Variants in KIAA0825 observed in about 807,000 individuals in gnomAD.
KIAA0825 encodes the protein uncharacterized protein KIAA0825.
In KIAA0825, 119 loss-of-function variants were observed where a neutral mutation model predicts 147.6. The observed-to-expected ratio is 0.81, with a 90% CI of 0.69 to 0.94. The LOEUF is 0.94. KIAA0825 is among the 40% of genes least tolerant of loss of function. The pLI is 0.00. For synonymous variants in KIAA0825, 470 were observed against 518.1 expected (o/e 0.91, Z 1.26); for missense variants, 1,381 against 1,472.7 (o/e 0.94, Z 1.02).
intron 3 of KIAA0825, among the ~76,000 whole-genome samples, chr5:94,534,085 C>T (rs1771482368): frequency 6.6e-6 from 1 of 152,158 alleles, no homozygotes; most frequent in East Asian, 1.9e-4. Flanking sequence ...AAATGAATTA[C>T]TAATGTTGTT....
chr5:94,505,338 G>A (rs1027813540), intron 5 of KIAA0825, among the ~76,000 whole-genome samples: 6 of 151,304 alleles, frequency 4.0e-5, no homozygotes, highest in Non-Finnish European at 7.4e-5. Flanking sequence ...TCCAGCCTGG[G>A]TGGCAGAGCG....
intron 14 of KIAA0825, among the ~76,000 whole-genome samples, chr5:94,429,729 G>T (rs905888269): frequency 6.6e-6 from 1 of 152,188 alleles, no homozygotes; most frequent in Admixed American, 6.5e-5. Context: ...CAGGTTCCCC[G>T]ATGTCAGGCA....
chr5:94,590,588 C>A (rs924044099), intron 1 of KIAA0825, among the ~76,000 whole-genome samples: 1 of 152,202 alleles, frequency 6.6e-6, no homozygotes, highest in East Asian at 1.9e-4. Context: ...ATCACCTATA[C>A]CCCATAGCTG....
chr5:94,516,144 A>T (rs1202830512), intron 5 of KIAA0825, among the ~76,000 whole-genome samples: 1 of 152,228 alleles, frequency 6.6e-6, no homozygotes, highest in Non-Finnish European at 1.5e-5. Flanking sequence ...TCACAAGCTT[A>T]TATGTAAATA....
intron 5 of KIAA0825, among the ~76,000 whole-genome samples, chr5:94,509,842 A>ATGT (rs1766233984): frequency 6.6e-6 from 1 of 152,170 alleles, no homozygotes; most frequent in Non-Finnish European, 1.5e-5. Flanking sequence ...CATAACTGGG[A>ATGT]ACTTCAGGGC....
At chr5:94,495,123 G>A (rs929361174) in intron 5 of KIAA0825, among the ~76,000 whole-genome samples, 2 of 152,118 alleles carry the variant, frequency 1.3e-5, no homozygotes, top group Non-Finnish European at 2.9e-5. Flanking sequence ...ATGAATGTAT[G>A]TTAAAATGAA....
intron 1 of KIAA0825, among the ~76,000 whole-genome samples, chr5:94,602,896 T>G (rs1786770353): frequency 1.3e-5 from 2 of 151,430 alleles, no homozygotes; most frequent in Admixed American, 6.6e-5. Context: ...TGGCATGATC[T>G]CAGCTCACTG....
Position 94,473,366 on chromosome 5 carries a change from G to C in KIAA0825, c.1381C>G (p.Leu461Val), listed in dbSNP as rs757654746. The change falls in exon 8 of 21, where the codon CTT (leucine) becomes GTT (valine). Residue 461 changes from leucine (L) to valine (V), a missense_variant. Coordinates refer to ENST00000682413, the MANE Select transcript of KIAA0825 (RefSeq NM_001145678.3). ...TGCCAAACTTGCTGGACATTTACAA[G>C]GTTCATAGCATAGCTCACAGCTGAA... ...RSSAVSYAMN[L>V]VNVQQVWQDS... 4.8e-4 allele frequency: 748 copies of C among 1,551,912 alleles called. 1 individual carries two copies. Among genetic ancestry groups the C allele is most frequent in the Non-Finnish European group, 6.1e-4 (703 of 1,147,042 alleles).
chr5:94,337,053 T>C (rs1781881849), intron 20 of KIAA0825, among the ~76,000 whole-genome samples: 1 of 152,180 alleles, frequency 6.6e-6, no homozygotes, highest in African/African-American at 2.4e-5. Flanking sequence ...AGTACAAGTA[T>C]AAAATAGATA....
At chr5:94,298,973 CTG>C (rs1778261714) in intron 20 of KIAA0825, among the ~76,000 whole-genome samples, 1 of 152,154 alleles carries the variant, frequency 6.6e-6, no homozygotes, top group African/African-American at 2.4e-5. Context: ...TCAATTCGCA[CTG>C]TGTGGGTGAG....
chr5:94,339,520 C>T (rs746942195), intron 20 of KIAA0825, among the ~76,000 whole-genome samples: 4 of 152,210 alleles, frequency 2.6e-5, no homozygotes, highest in Middle Eastern at 6.8e-3. Context: ...TGTCTTAGTT[C>T]CTGTAGCGTC....
chr5:94,448,113 A>G (rs1483002394), intron 13 of KIAA0825, among the ~76,000 whole-genome samples: 1 of 151,510 alleles, frequency 6.6e-6, no homozygotes, highest in Non-Finnish European at 1.5e-5. Context: ...ACAATATGGT[A>G]TCTGTGTTAA....
chr5:94,607,913 G>T (rs890123811), intron 1 of KIAA0825, among the ~76,000 whole-genome samples: 4 of 152,232 alleles, frequency 2.6e-5, no homozygotes, highest in African/African-American at 9.6e-5. Context: ...TATATGGATT[G>T]AGTCTTTTTC....
At chr5:94,432,650 C>T (rs918626787) in intron 14 of KIAA0825, among the ~76,000 whole-genome samples, 3 of 152,064 alleles carry the variant, frequency 2.0e-5, no homozygotes, top group African/African-American at 7.2e-5. Context: ...GCAAAAGCAG[C>T]CTATGACATC....
At chr5:94,226,374 G>A (rs960581252) in intron 20 of KIAA0825, among the ~76,000 whole-genome samples, 8 of 152,118 alleles carry the variant, frequency 5.3e-5, no homozygotes, top group Non-Finnish European at 1.0e-4. Flanking sequence ...AACAGGTGCT[G>A]GAGAGGATGT....
chr5:94,453,440 G>A (rs951785321), intron 12 of KIAA0825, among the ~76,000 whole-genome samples: 2 of 151,180 alleles, frequency 1.3e-5, no homozygotes, highest in African/African-American at 4.9e-5. Flanking sequence ...ACCCGCCTTG[G>A]CCTCTCAAAG....
chr5:94,259,517 G>T (rs1384126505), intron 20 of KIAA0825, among the ~76,000 whole-genome samples: 3 of 151,932 alleles, frequency 2.0e-5, no homozygotes, highest in African/African-American at 7.2e-5. Context: ...TAACATGCTT[G>T]CCTGTGCTCT....
chr5:94,352,899 A>G (rs1014655737), intron 20 of KIAA0825, among the ~76,000 whole-genome samples: 9 of 147,532 alleles, frequency 6.1e-5, no homozygotes, highest in African/African-American at 2.0e-4. Context: ...CATAAGAATG[A>G]TGCAATGGAC....
At chr5:94,312,619 T>C (rs893432665) in intron 20 of KIAA0825, among the ~76,000 whole-genome samples, 2 of 151,762 alleles carry the variant, frequency 1.3e-5, no homozygotes, top group African/African-American at 4.8e-5. Flanking sequence ...AAACTCATTC[T>C]CTTGAATTCA....
Sources: allele counts gnomAD v4.1 joint callset (sites outside exome capture counted in the v4.1 genomes callset), GRCh38; gene constraint gnomAD v4.1.1; transcripts MANE v1.5; gene names NCBI Gene and HGNC (gene_info 2026-07-23, HGNC 2026-07-21).